Variants in MCC observed in about 807,000 individuals in gnomAD.
The protein encoded by MCC is colorectal mutant cancer protein.
In MCC, 90 loss-of-function variants were observed where a neutral mutation model predicts 116.2. The observed-to-expected ratio is 0.77, with a 90% CI of 0.65 to 0.92. The LOEUF (loss-of-function observed/expected upper bound fraction) is 0.92, where lower values mean the gene tolerates loss of function less well. MCC is among the 40% of genes least tolerant of loss of function. The probability of loss-of-function intolerance (pLI) is 0.00; values close to 1 mark genes in which losing one functional copy is unlikely to be tolerated. For synonymous variants in MCC, 578 were observed against 510.5 expected, an observed-to-expected ratio of 1.13 and a Z score of -1.78; for missense variants, 1,516 against 1,312.2, an observed-to-expected ratio of 1.16 and a Z score of -2.40.
chr5:113,414,668 T>G (rs1052579370), intron 1 of MCC, among the ~76,000 whole-genome samples: 1 of 152,206 alleles, frequency 6.6e-6, no homozygotes. Context: ...TCTCCGCACA[T>G]GAGATGGGTC....
intron 3 of MCC, among the ~76,000 whole-genome samples, chr5:113,216,886 A>G (rs1239265356): frequency 6.6e-6 from 1 of 152,248 alleles, no homozygotes; most frequent in Non-Finnish European, 1.5e-5. Context: ...AGACAATGAA[A>G]TAATTCCTCT....
At chr5:113,101,430 C>A in intron 8 of MCC, 1 of 297,742 alleles carries the variant, frequency 3.4e-6, no homozygotes, top group Non-Finnish European at 6.2e-6. Context: ...TCCTAAAGAA[C>A]ATTTTAATTG....
intron 3 of MCC, among the ~76,000 whole-genome samples, chr5:113,307,269 C>A (rs796336733): frequency 3.9e-5 from 6 of 152,286 alleles, no homozygotes; most frequent in African/African-American, 1.4e-4. Flanking sequence ...ATTAGGTCTT[C>A]CAATCCATGA....
intron 8 of MCC, among the ~76,000 whole-genome samples, chr5:113,101,139 G>A (rs539304348): frequency 9.9e-5 from 15 of 152,280 alleles, no homozygotes; most frequent in South Asian, 4.1e-4. Context: ...GCCCTAGGGT[G>A]AATAGCAGGA....
intron 3 of MCC, among the ~76,000 whole-genome samples, chr5:113,324,532 C>G (rs369961119): frequency 5.9e-5 from 9 of 152,152 alleles, no homozygotes; most frequent in African/African-American, 2.2e-4. Flanking sequence ...GTAAAATATA[C>G]TGGCTAAACC....
chr5:113,289,603 GCTGCCA>G (rs1766407292), intron 3 of MCC, among the ~76,000 whole-genome samples: 1 of 152,088 alleles, frequency 6.6e-6, no homozygotes, highest in Non-Finnish European at 1.5e-5. Context: ...TCGGAACCCA[GCTGCCA>G]TGCTGAGAGG....
intron 2 of MCC, among the ~76,000 whole-genome samples, chr5:113,344,537 G>A (rs190005778): frequency 6.6e-6 from 1 of 151,634 alleles, no homozygotes; most frequent in Non-Finnish European, 1.5e-5. Flanking sequence ...TGTTCCTTCT[G>A]CTTGAGGAGA....
chr5:113,171,495 C>T (rs542621451), intron 3 of MCC, among the ~76,000 whole-genome samples: 2 of 152,060 alleles, frequency 1.3e-5, no homozygotes, highest in East Asian at 1.9e-4. Context: ...GCTAGGACTA[C>T]AGGCATGCAC....
chr5:113,097,579 A>G (rs907447727), intron 8 of MCC, among the ~76,000 whole-genome samples: 5 of 152,216 alleles, frequency 3.3e-5, no homozygotes, highest in African/African-American at 9.6e-5. Flanking sequence ...CATTTTCTCT[A>G]TATAGCCCTG....
intron 1 of MCC, among the ~76,000 whole-genome samples, chr5:113,423,983 T>A (rs769389643): frequency 6.6e-6 from 1 of 152,064 alleles, no homozygotes; most frequent in East Asian, 1.9e-4. Flanking sequence ...ACCAACCAGA[T>A]GGCAGACTGA....
chr5:113,347,543 C>T (rs531921930), intron 2 of MCC, among the ~76,000 whole-genome samples: 3 of 151,434 alleles, frequency 2.0e-5, no homozygotes, highest in Non-Finnish European at 2.9e-5. Flanking sequence ...GCAAGCCTTG[C>T]GGTAACATCA....
rs975506792 is a variant in MCC at position 113,196,673 on chromosome 5, C to A, written c.628-45251G>T. Among the ~76,000 whole-genome samples the A allele has an allele frequency of 5.3e-5, 8 of 152,180 alleles. No homozygotes were observed. The East Asian group carries it at 1.5e-3, about 29-fold the overall frequency. On this transcript the variant is annotated intron_variant, in intron 3 of 18. Coordinates refer to ENST00000408903, the MANE Select transcript of MCC (RefSeq NM_001085377.2). Reference sequence around the variant, plus strand: ...GACCATCCTGGCTAACACGGTGAAACCCCATCTCTATTAAAAATACAAAAA... The same window carrying A: ...GACCATCCTGGCTAACACGGTGAAAACCCATCTCTATTAAAAATACAAAAA...
intron 8 of MCC, among the ~76,000 whole-genome samples, chr5:113,091,716 T>TACAACA (rs546503913): frequency 1.1e-4 from 16 of 151,926 alleles, no homozygotes; most frequent in African/African-American, 3.6e-4. Context: ...ACCCTGTCTC[T>TACAACA]ACAACAACAA....
intron 8 of MCC, among the ~76,000 whole-genome samples, chr5:113,089,818 C>T (rs1421936169): frequency 6.6e-6 from 1 of 152,054 alleles, no homozygotes; most frequent in Non-Finnish European, 1.5e-5. Flanking sequence ...AACAAAACAC[C>T]CAAACTTGTA....
chr5:113,029,143 G>C (rs1481566581), intron 17 of MCC, 87 bp from the exon 18 acceptor site: 16 of 1,409,390 alleles, frequency 1.1e-5, no homozygotes, highest in Non-Finnish European at 1.4e-5. Flanking sequence ...ACAGAAAGAG[G>C]AAGGTTTAGC....
chr5:113,063,604 A>G (rs920700925), intron 14 of MCC, among the ~76,000 whole-genome samples: 5 of 152,194 alleles, frequency 3.3e-5, no homozygotes, highest in African/African-American at 9.7e-5. Context: ...GACCAGAGGG[A>G]CCATTTGGAG....
chr5:113,219,581 G>A (rs1029042367), intron 3 of MCC, among the ~76,000 whole-genome samples: 1 of 152,074 alleles, frequency 6.6e-6, no homozygotes, highest in African/African-American at 2.4e-5. Context: ...TATAATCATT[G>A]CTTTAAAATT....
At chr5:113,093,212 A>C (rs1230451787) in intron 8 of MCC, among the ~76,000 whole-genome samples, 2 of 152,240 alleles carry the variant, frequency 1.3e-5, no homozygotes, top group Admixed American at 1.3e-4. Flanking sequence ...GGAATAAATT[A>C]AAAGAGGGAC....
At chr5:113,137,676 GC>G (rs1183654820) in intron 5 of MCC, among the ~76,000 whole-genome samples, 1 of 151,960 alleles carries the variant, frequency 6.6e-6, no homozygotes, top group Non-Finnish European at 1.5e-5. Context: ...TTGTTGTTAT[GC>G]CCCTGTCTGC....
Sources: gnomAD v4.1 joint callset for allele counts (sites outside exome capture counted in the v4.1 genomes callset) on GRCh38, gnomAD v4.1.1 for gene constraint, MANE v1.5 for transcripts, NCBI Gene and HGNC (gene_info 2026-07-23, HGNC 2026-07-21) for gene names.